The following ZFYVE9 variants were observed in gnomAD, a reference collection of about 807,000 sequenced individuals.
ZFYVE9 encodes the protein zinc finger FYVE domain-containing protein 9.
A neutral mutation model predicts 126.7 loss-of-function variants in ZFYVE9; 43 were observed. The ratio of observed to expected loss-of-function variants is 0.34; its 90% CI spans 0.27 to 0.44. The LOEUF (loss-of-function observed/expected upper bound fraction) is 0.44, where lower values mean the gene tolerates loss of function less well. ZFYVE9 is among the 20% of genes least tolerant of loss of function. The pLI is 1.00. For synonymous variants in ZFYVE9, 521 were observed against 597.4 expected (o/e 0.87, Z 1.87); for missense variants, 1,476 against 1,697.0 (o/e 0.87, Z 2.29).
chr1:52,340,623 G>A (rs988379631), intron 17 of ZFYVE9, among the ~76,000 whole-genome samples: 2 of 152,190 alleles, frequency 1.3e-5, no homozygotes, highest in Non-Finnish European at 2.9e-5. Flanking sequence ...AACTAGGCCA[G>A]GCACAGTGGC....
chr1:52,247,743 C>T (rs1645402395), intron 4 of ZFYVE9, among the ~76,000 whole-genome samples: 2 of 152,086 alleles, frequency 1.3e-5, no homozygotes, highest in East Asian at 1.9e-4. Flanking sequence ...GTGATCTGCC[C>T]GTCTTGGCCT....
At position 52,346,374 on chromosome 1, in the gene ZFYVE9, G is replaced by C; in HGVS notation, c.*153G>C. On this transcript the variant is annotated 3_prime_UTR_variant, in exon 19 of 19. Coordinates refer to ENST00000287727, the MANE Select transcript of ZFYVE9 (RefSeq NM_004799.4). ...GAGTGGGGGTTTGGGAGACGGGTGGGAAAGGGTGGTTGGGGGGACCGATGT... is the reference window on the plus strand; with the variant it reads ...GAGTGGGGGTTTGGGAGACGGGTGGCAAAGGGTGGTTGGGGGGACCGATGT... 1 of 708,638 alleles carries C rather than the reference G, an allele frequency of 1.4e-6. No individual in the cohort carries two copies. Among genetic ancestry groups the C allele is most frequent in the Non-Finnish European group, 2.1e-6 (1 of 477,944 alleles). The allele number at this position is 708,638 out of a possible 1,614,324, so 43.9% of individuals were successfully genotyped here. A position where few individuals can be genotyped will look rare whatever the true frequency, so the allele number is the denominator to read the frequency against.
intron 9 of ZFYVE9, among the ~76,000 whole-genome samples, chr1:52,279,483 A>G (rs1247972060): frequency 2.0e-5 from 3 of 152,254 alleles, no homozygotes; most frequent in East Asian, 3.9e-4. Context: ...GAATTTTTTG[A>G]GACAGAGTCT....
In ZFYVE9 at chr1:52,318,366, T is replaced by TTG. The variant is rs1304231453; in HGVS notation, c.3439-14400_3439-14399dup. Among the ~76,000 whole-genome samples the TTG allele has an allele frequency of 5.0e-3, 416 of 83,996 alleles. 1 individual carries two copies. The highest frequency in any genetic ancestry group is 0.016 in the African/African-American group (382 of 23,804). The allele number at this position is 83,996 out of a possible 152,430, so 55.1% of individuals were successfully genotyped here. ...CCATTCAAGATTAGAGAGAGCATGA[T>TTG]TGTATGTGTGTGTGTGTGTGTGTGT... On this transcript the variant is annotated intron_variant, in intron 13 of 18. Transcript: ENST00000287727.
chr1:52,238,859 A>G lies in ZFYVE9; in HGVS notation c.1442A>G (p.Tyr481Cys), dbSNP rs749974423. Reference protein sequence around the residue: ...ANYLSNGCDSYGMQDPGVSFV... With the variant: ...ANYLSNGCDSCGMQDPGVSFV... ...TATCTATCTAATGGTTGTGATTCCT[A>G]TGGAATGCAAGACCCAGGTGTTTCT... The change falls in exon 4 of 19, where the codon TAT becomes TGT. Residue 481 changes from tyrosine to cysteine, a missense_variant. Physicochemically the swap from Tyr to Cys is radical, Grantham distance 194 (BLOSUM62 -2). Transcript: ENST00000287727. 12 of 1,614,128 alleles carry G rather than the reference A, an allele frequency of 7.4e-6. No homozygotes were observed. The highest frequency in any genetic ancestry group is 6.7e-5 in the East Asian group (3 of 44,876).
intron 1 of ZFYVE9, among the ~76,000 whole-genome samples, chr1:52,176,926 C>T (rs923405878): frequency 1.3e-5 from 2 of 152,156 alleles, no homozygotes; most frequent in African/African-American, 4.8e-5. Flanking sequence ...AAGGGAACTC[C>T]CTGACTCCTT....
Position 52,295,971 on chromosome 1 carries a change from T to G in ZFYVE9, c.3327T>G (p.Leu1109=). The change falls in exon 12 of 19, where the codon CTT becomes CTG. Residue 1109 remains leucine (L), a synonymous_variant. Coordinates refer to ENST00000287727, the MANE Select transcript of ZFYVE9 (RefSeq NM_004799.4). The part of the protein sequence containing the change: ...FGETGHTIMN[L]LADFRNYQYT... ...AGACGGGGCATACCATCATGAATCT[T>G]CTTGCAGTAAGTTGGGAATTTTTTT... The G allele has an allele frequency of 6.2e-7, 1 of 1,613,500 alleles. No individual in the cohort carries two copies. The highest frequency in any genetic ancestry group is 8.5e-7 in the Non-Finnish European group (1 of 1,179,694).
intron 4 of ZFYVE9, among the ~76,000 whole-genome samples, chr1:52,251,143 C>T (rs1557481032): frequency 1.3e-5 from 2 of 152,082 alleles, no homozygotes. Context: ...GCGATCTTGG[C>T]TCACTGCAAC....
intron 10 of ZFYVE9, among the ~76,000 whole-genome samples, chr1:52,288,799 G>A (rs1323663856): frequency 4.6e-5 from 7 of 151,736 alleles, no homozygotes; most frequent in Middle Eastern, 3.2e-3. Flanking sequence ...GGTGGTGAGC[G>A]CCTGTAGTCC....
intron 15 of ZFYVE9, chr1:52,335,350 T>C (rs940473946): frequency 6.5e-5 from 10 of 152,782 alleles, no homozygotes; most frequent in African/African-American, 1.9e-4. Context: ...CAGGGATGGC[T>C]TAACACTGCT....
rs751646225 is a variant in ZFYVE9, at chr1:52,238,461, G to T, written c.1044G>T (p.Gly348=). Residue 348 remains glycine, a synonymous_variant, in exon 4 of 19, where the codon GGG becomes GGT. Coordinates refer to ENST00000287727, the MANE Select transcript of ZFYVE9 (RefSeq NM_004799.4). The part of the protein sequence containing the change: ...PLLLKPDMPN[G]SGRNNDCERC... Reference sequence around the variant, plus strand: ...TTCTCAAACCAGACATGCCTAATGGGTCTGGAAGGAATAATGACTGTGAAC... The same window carrying T: ...TTCTCAAACCAGACATGCCTAATGGTTCTGGAAGGAATAATGACTGTGAAC... 1 of 1,613,986 alleles carries T rather than the reference G, an allele frequency of 6.2e-7. No individual in the cohort carries two copies. The highest frequency in any genetic ancestry group is 1.3e-5 in the African/African-American group (1 of 74,912).
chr1:52,329,054 A>T (rs1487957763), intron 13 of ZFYVE9, among the ~76,000 whole-genome samples: 1 of 152,204 alleles, frequency 6.6e-6, no homozygotes, highest in Non-Finnish European at 1.5e-5. Context: ...TGCTGAAAGT[A>T]ATTAAAGACC....
Position 52,142,547 on chromosome 1 carries a change from T to G in ZFYVE9, c.-143+144T>G, listed in dbSNP as rs1239434939. On this transcript the variant is annotated intron_variant, in intron 1 of 18. Coordinates refer to ENST00000287727, the MANE Select transcript of ZFYVE9 (RefSeq NM_004799.4). This position sits in a 1 kb window ranked among gnomAD's most constrained non-coding sequence, Gnocchi z 4.5. ...CCTGCGGTCCTGGGGCCTCAGCCCT[T>G]TCTCCCCGCGTCCCCCGGGAGGCTG... The G allele has an allele frequency of 6.6e-6, 1 of 152,108 alleles. No individual in the cohort carries two copies. Among genetic ancestry groups the G allele is most frequent in the Admixed American group, 6.5e-5 (1 of 15,286 alleles). The allele number at this position is 152,108 out of a possible 1,614,324, so 9.4% of individuals were successfully genotyped here.
At chr1:52,205,067 ATTTTTT>A (rs891218048) in intron 1 of ZFYVE9, among the ~76,000 whole-genome samples, 9 of 117,790 alleles carry the variant, frequency 7.6e-5, no homozygotes, top group African/African-American at 1.7e-4. Context: ...TGTGCTGTGA[ATTTTTT>A]TTTTTTTTTT....
Position 52,266,729 on chromosome 1 carries a change from A to T in ZFYVE9, c.2353A>T (p.Thr785Ser). ...TAACAATCCTGCTGAATACTGTTCT[A>T]CTATCCCTCCCTTGCAGCAAGCTCA... is the stretch of plus-strand genomic sequence containing the variant. ...NPNNPAEYCS[T>S]IPPLQQAQAS... Residue 785 changes from threonine (T) to serine (S), a missense_variant, in exon 6 of 19, where the codon ACT becomes TCT. Thr to Ser is a moderately conservative substitution (Grantham distance 58, BLOSUM62 1). Coordinates refer to ENST00000287727, the MANE Select transcript of ZFYVE9 (RefSeq NM_004799.4). 6.2e-7 allele frequency: 1 copy of T among 1,612,444 alleles called. No homozygotes were observed. Among genetic ancestry groups the T allele is most frequent in the Non-Finnish European group, 8.5e-7 (1 of 1,179,390 alleles).
chr1:52,323,895 C>CAAAAAA (rs35308713), intron 13 of ZFYVE9, among the ~76,000 whole-genome samples: 3 of 126,110 alleles, frequency 2.4e-5, no homozygotes, highest in Admixed American at 8.3e-5. Context: ...CTACTAAATA[C>CAAAAAA]AAAAAAAAAA....
At chr1:52,344,308 T>C (rs1257826412) in intron 17 of ZFYVE9, among the ~76,000 whole-genome samples, 1 of 152,236 alleles carries the variant, frequency 6.6e-6, no homozygotes, top group Non-Finnish European at 1.5e-5. Context: ...GTCTCTTAAA[T>C]TCTTCTGTGC....
chr1:52,320,360 G>T (rs564348787), intron 13 of ZFYVE9, among the ~76,000 whole-genome samples: 1 of 152,122 alleles, frequency 6.6e-6, no homozygotes, highest in Non-Finnish European at 1.5e-5. Context: ...ATTAGCCACC[G>T]TGCCCGGCTG....
chr1:52,142,662 G>A lies in ZFYVE9; in HGVS notation c.-143+259G>A, dbSNP rs560127169. Among the ~76,000 whole-genome samples the A allele has an allele frequency of 5.3e-4, 80 of 152,254 alleles. No homozygotes were observed. Among genetic ancestry groups the A allele is most frequent in the African/African-American group, 1.9e-3 (80 of 41,586 alleles). On this transcript the variant is annotated intron_variant, in intron 1 of 18. Coordinates refer to ENST00000287727, the MANE Select transcript of ZFYVE9 (RefSeq NM_004799.4). The surrounding 1 kb of genome is among the most constrained non-coding windows in gnomAD (Gnocchi z 4.5). ...CGCGGCCGGGTGTGTGGAGCTGGGG[G>A]CCGGCAGGAGCACGGCCGCCTTTCG...
Sources: allele counts gnomAD v4.1 joint callset (sites outside exome capture counted in the v4.1 genomes callset), GRCh38; gene constraint gnomAD v4.1.1; non-coding constraint Gnocchi (gnomAD v3.1); transcripts MANE v1.5; gene names NCBI Gene and HGNC (gene_info 2026-07-23, HGNC 2026-07-21).